The following PTPRF variants were observed in gnomAD, a reference collection of about 807,000 sequenced individuals.
The protein encoded by PTPRF is protein tyrosine phosphatase receptor type F, also known as receptor-type tyrosine-protein phosphatase F.
A neutral mutation model predicts 201.8 loss-of-function variants in PTPRF; 59 were observed. The ratio of observed to expected loss-of-function variants is 0.29; its 90% CI spans 0.24 to 0.36. The LOEUF (loss-of-function observed/expected upper bound fraction) is 0.36. Ranked by LOEUF, PTPRF falls within the 10% of genes least tolerant of loss-of-function variation. The probability of loss-of-function intolerance (pLI) is 1.00; values close to 1 mark genes in which losing one functional copy is unlikely to be tolerated. For synonymous variants in PTPRF, 1,088 were observed against 1,089.7 expected, an observed-to-expected ratio of 1.00 and a Z score of 0.03; for missense variants, 2,132 against 2,690.5, an observed-to-expected ratio of 0.79 and a Z score of 4.59.
chr1:43,618,024 C>T (rs920473647), intron 25 of PTPRF, 113 bp downstream of exon 25: 111 of 1,135,694 alleles, frequency 9.8e-5, no homozygotes, highest in Middle Eastern at 3.0e-4. Context: ...CTCAAGTGAT[C>T]CCCAGATGCT....
At chr1:43,604,794 C>T (rs1654641985) in intron 16 of PTPRF, 109 bp from the exon 17 acceptor site, 1 of 923,694 alleles carries the variant, frequency 1.1e-6, no homozygotes, top group African/African-American at 1.6e-5. Flanking sequence ...TCCTTCAACC[C>T]CCTGTTCCCC....
chr1:43,534,142 T>TA (rs911757846), intron 1 of PTPRF, among the ~76,000 whole-genome samples: 1 of 152,008 alleles, frequency 6.6e-6, no homozygotes, highest in African/African-American at 2.4e-5. Flanking sequence ...TTGAGATAGA[T>TA]AAAAACCAGT....
rs1234214181 is a variant in PTPRF at position 43,554,879 on chromosome 1, G to T, written c.379+938G>T. Among the ~76,000 whole-genome samples the T allele has an allele frequency of 1.4e-5, 2 of 142,916 alleles. No individual in the cohort carries two copies. Among genetic ancestry groups the T allele is most frequent in the South Asian group, 4.4e-4 (2 of 4,528 alleles). 93.8% of individuals were successfully genotyped at this position (142,916 alleles called of 152,430 possible). On this transcript the variant is annotated intron_variant, in intron 5 of 33. Coordinates refer to ENST00000359947, the MANE Select transcript of PTPRF (RefSeq NM_002840.5). This position sits in a 1 kb window ranked among gnomAD's most constrained non-coding sequence, Gnocchi z 4.1. ...TTTCTTTTTTTTTTTTTGAGATGCA[G>T]TCTCACTCTTGTTGCCCAGGCTGGA... is the stretch of plus-strand genomic sequence containing the variant.
chr1:43,531,944 G>T (rs1418878449), intron 1 of PTPRF, among the ~76,000 whole-genome samples: 7 of 152,082 alleles, frequency 4.6e-5, no homozygotes, highest in Non-Finnish European at 1.5e-5. Context: ...CCAATCTCAC[G>T]CCCCTGCAAT....
At chr1:43,540,243 AT>A (rs1392008219) in intron 2 of PTPRF, among the ~76,000 whole-genome samples, 9 of 152,170 alleles carry the variant, frequency 5.9e-5, no homozygotes, top group African/African-American at 1.9e-4. Flanking sequence ...GTAATGTCCC[AT>A]GGGGGCAAAA....
intron 22 of PTPRF, chr1:43,613,164 A>G (rs1656900324): frequency 1.1e-5 from 2 of 184,652 alleles, no homozygotes; most frequent in East Asian, 2.8e-4. Context: ...CTTCATGACC[A>G]CTCCATCTAC....
rs1039666862 is a variant in PTPRF, at chr1:43,622,907, AAG to A, written c.*907_*908del. ...AAACAAAAAACCCAAGAAAAAAAAA[AAG>A]AGTCAGCCCTTGGCTTCTGCTTCAA... On this transcript the variant is annotated 3_prime_UTR_variant, in exon 34 of 34. Coordinates refer to ENST00000359947, the MANE Select transcript of PTPRF (RefSeq NM_002840.5). 2.0e-5 allele frequency: 3 copies of A among 152,456 alleles called. No homozygotes were observed. Among genetic ancestry groups the A allele is most frequent in the African/African-American group, 7.2e-5 (3 of 41,470 alleles). 9.4% of individuals were successfully genotyped at this position (152,456 alleles called of 1,614,324 possible).
chr1:43,551,120 A>G (rs1485644244), intron 3 of PTPRF, among the ~76,000 whole-genome samples: 2 of 152,164 alleles, frequency 1.3e-5, no homozygotes, highest in Non-Finnish European at 2.9e-5. Context: ...AGTAGAGAAC[A>G]GACGGGAGGC....
intron 11 of PTPRF, among the ~76,000 whole-genome samples, chr1:43,595,749 G>C (rs914059961): frequency 1.1e-4 from 16 of 152,122 alleles, no homozygotes; most frequent in African/African-American, 1.9e-4. Context: ...AAGTACGGTG[G>C]GGGGGTTGTA....
chr1:43,578,879 C>T lies in PTPRF; in HGVS notation c.638C>T (p.Ala213Val). The T allele has an allele frequency of 6.2e-7, 1 of 1,614,216 alleles. No homozygotes were observed. Among genetic ancestry groups the T allele is most frequent in the Non-Finnish European group, 8.5e-7 (1 of 1,180,028 alleles). The change falls in exon 7 of 34, where the codon GCA (alanine) becomes GTA (valine). Residue 213 changes from alanine (A) to valine (V), a missense_variant. This residue lies in a region of PTPRF where 297 missense variants were observed against 454.0 expected (regional missense o/e 0.65). Transcript: ENST00000359947. ...GKYECVATNS[A>V]GTRYSAPANL... Reference sequence around the variant, plus strand: ...TACGAGTGTGTGGCGACCAACTCGGCAGGCACACGTTACTCAGCCCCTGCG... The same window carrying T: ...TACGAGTGTGTGGCGACCAACTCGGTAGGCACACGTTACTCAGCCCCTGCG...
upstream of PTPRF, among the ~76,000 whole-genome samples, chr1:43,526,442 T>TAA (rs1643114262): frequency 6.6e-6 from 1 of 151,382 alleles, no homozygotes; most frequent in African/African-American, 2.5e-5. Context: ...AAAAAAAATT[T>TAA]TTTTTTTTTA....
intron 30 of PTPRF, 62 bp from the exon 31 acceptor site, chr1:43,620,392 G>T: frequency 6.5e-7 from 1 of 1,547,480 alleles, no homozygotes; most frequent in Non-Finnish European, 8.8e-7. Context: ...ATCCTGTGAA[G>T]CCTGGCACCC....
chr1:43,590,724 C>T (rs1650454619), intron 8 of PTPRF, among the ~76,000 whole-genome samples: 1 of 152,200 alleles, frequency 6.6e-6, no homozygotes, highest in African/African-American at 2.4e-5. Flanking sequence ...CAGTGAATCC[C>T]ACAGTTGATA....
intron 16 of PTPRF, among the ~76,000 whole-genome samples, chr1:43,604,616 G>A (rs1226159650): frequency 1.3e-5 from 2 of 152,172 alleles, no homozygotes; most frequent in Non-Finnish European, 2.9e-5. Flanking sequence ...ACTCTGGCCT[G>A]GTGTCCATCG....
intron 22 of PTPRF, among the ~76,000 whole-genome samples, chr1:43,611,606 G>T (rs898034091): frequency 6.6e-6 from 1 of 152,172 alleles, no homozygotes; most frequent in African/African-American, 2.4e-5. Flanking sequence ...GGGGAGCCAG[G>T]TGGTCAGAAC....
At chr1:43,528,411 G>A (rs1022061233), upstream of PTPRF, among the ~76,000 whole-genome samples, 5 of 152,012 alleles carry the variant, frequency 3.3e-5, no homozygotes, top group African/African-American at 1.2e-4. Flanking sequence ...GGCTGGTCTC[G>A]AACTCCTGAC....
At chr1:43,608,450 A>G (rs558649730) in intron 21 of PTPRF, among the ~76,000 whole-genome samples, 1 of 152,316 alleles carries the variant, frequency 6.6e-6, no homozygotes, top group Non-Finnish European at 1.5e-5. Context: ...TTTAAGCAGC[A>G]AACTGTCCAG....
chr1:43,613,503 C>T, intron 22 of PTPRF, 115 bp from the exon 23 acceptor site: 1 of 862,074 alleles, frequency 1.2e-6, no homozygotes, highest in South Asian at 1.4e-5. Context: ...CCACCAGTTC[C>T]AAGTGCTCCA....
intron 6 of PTPRF, chr1:43,575,823 T>C (rs1646888372): frequency 2.5e-6 from 3 of 1,214,164 alleles, no homozygotes; most frequent in African/African-American, 1.6e-5. Context: ...TGTGTTTTAT[T>C]TTACCTGATT....
Sources: allele counts gnomAD v4.1 joint callset (sites outside exome capture counted in the v4.1 genomes callset), GRCh38; gene constraint gnomAD v4.1.1; regional missense constraint gnomAD v4.1.1; non-coding constraint Gnocchi (gnomAD v3.1); transcripts MANE v1.5; gene names NCBI Gene and HGNC (gene_info 2026-07-23, HGNC 2026-07-21).